Variants in GPR158 observed in about 807,000 individuals in gnomAD.
GPR158 encodes the protein G protein-coupled receptor 158.
A neutral mutation model predicts 78.2 loss-of-function variants in GPR158; 30 were observed. That is an observed-to-expected ratio of 0.38 (90% CI 0.29 to 0.52). The LOEUF (loss-of-function observed/expected upper bound fraction) is 0.52. GPR158 is among the 20% of genes least tolerant of loss of function. The pLI is 0.83. For missense variants in GPR158, 1,463 were observed against 1,523.5 expected, an observed-to-expected ratio of 0.96 and a Z score of 0.66; for synonymous variants, 581 against 591.1, an observed-to-expected ratio of 0.98 and a Z score of 0.25.
At chr10:25,379,965 G>GTT (rs771614117) in intron 2 of GPR158, among the ~76,000 whole-genome samples, 1 of 78,414 alleles carries the variant, frequency 1.3e-5, no homozygotes, top group African/African-American at 4.1e-5. Flanking sequence ...TCTCCATAGG[G>GTT]TTTTTTTTTT....
chr10:25,447,528 T>C (rs888788463), intron 4 of GPR158, among the ~76,000 whole-genome samples: 1 of 152,212 alleles, frequency 6.6e-6, no homozygotes, highest in African/African-American at 2.4e-5. Flanking sequence ...CTTTCTTTCA[T>C]CTTTGCAAAG....
chr10:25,262,164 C>T (rs1041158983), intron 2 of GPR158, among the ~76,000 whole-genome samples: 3 of 152,028 alleles, frequency 2.0e-5, no homozygotes, highest in Non-Finnish European at 4.4e-5. Flanking sequence ...AAAGGTATTT[C>T]CCACAGTGAA....
At chr10:25,233,458 A>G (rs1853480621) in intron 2 of GPR158, among the ~76,000 whole-genome samples, 1 of 152,004 alleles carries the variant, frequency 6.6e-6, no homozygotes. Context: ...CTATATTTAC[A>G]TTTGGAAATA....
intron 1 of GPR158, among the ~76,000 whole-genome samples, chr10:25,206,651 C>T (rs1853041986): frequency 6.6e-6 from 1 of 152,036 alleles, no homozygotes; most frequent in Non-Finnish European, 1.5e-5. Flanking sequence ...AAATATCTTA[C>T]ACTGTGTTTT....
chr10:25,195,150 T>C (rs1852827046), intron 1 of GPR158, among the ~76,000 whole-genome samples: 1 of 149,870 alleles, frequency 6.7e-6, no homozygotes, highest in Admixed American at 6.6e-5. Flanking sequence ...CTTTTTATTA[T>C]GTTAAAAAAA....
chr10:25,570,337 T>C (rs1836987896), intron 6 of GPR158, among the ~76,000 whole-genome samples: 1 of 152,228 alleles, frequency 6.6e-6, no homozygotes, highest in African/African-American at 2.4e-5. Flanking sequence ...GATACTGTAA[T>C]TTAAAACACA....
At chr10:25,412,589 A>G (rs1834607257) in intron 4 of GPR158, 116 bp downstream of exon 4, 2 of 685,504 alleles carry the variant, frequency 2.9e-6, no homozygotes, top group Admixed American at 4.7e-5. Context: ...TCTTTCTACA[A>G]TATGATTGGA....
At chr10:25,363,099 GATT>G (rs1374864216) in intron 2 of GPR158, among the ~76,000 whole-genome samples, 1 of 145,592 alleles carries the variant, frequency 6.9e-6, no homozygotes, top group Non-Finnish European at 1.5e-5. Context: ...ATCAATCTGT[GATT>G]GATTATTTAT....
chr10:25,504,673 GT>G (rs1437379500), intron 5 of GPR158, among the ~76,000 whole-genome samples: 1 of 152,042 alleles, frequency 6.6e-6, no homozygotes, highest in Non-Finnish European at 1.5e-5. Context: ...TGTTCTTTAG[GT>G]GACATCTCAC....
In GPR158 at chr10:25,598,572, C is replaced by T. The variant is rs772316548; in HGVS notation, c.2946C>T (p.Asn982=). The change falls in exon 11 of 11, where the codon AAC becomes AAT. Residue 982 remains asparagine (N), a synonymous_variant. Coordinates refer to ENST00000376351, the MANE Select transcript of GPR158 (RefSeq NM_020752.3). The part of the protein sequence containing the change: ...KSGIMKQQRV[N]PTTANSDLNP... ...GGATTATGAAACAACAAAGGGTCAA[C>T]CCCACCACTGCCAATTCTGACCTGA... 1.9e-6 allele frequency: 3 copies of T among 1,613,940 alleles called. No homozygotes were observed. Among genetic ancestry groups the T allele is most frequent in the Admixed American group, 1.7e-5 (1 of 60,006 alleles).
intron 4 of GPR158, among the ~76,000 whole-genome samples, chr10:25,421,191 C>A (rs1834745976): frequency 6.6e-6 from 1 of 152,032 alleles, no homozygotes; most frequent in Non-Finnish European, 1.5e-5. Flanking sequence ...TAAATTTATT[C>A]CTAAGTATTA....
chr10:25,299,881 C>T (rs1188561057), intron 2 of GPR158, among the ~76,000 whole-genome samples: 2 of 151,880 alleles, frequency 1.3e-5, no homozygotes, highest in Non-Finnish European at 2.9e-5. Context: ...GGCTGGAGTG[C>T]GGTATCATGA....
intron 4 of GPR158, among the ~76,000 whole-genome samples, chr10:25,433,536 G>GTGT (rs1554803599): frequency 7.6e-6 from 1 of 131,890 alleles, no homozygotes; most frequent in Admixed American, 7.3e-5. Context: ...TTAGGGGTGT[G>GTGT]TGTGTGTGTG....
chr10:25,548,460 A>C (rs1836691705), intron 5 of GPR158, among the ~76,000 whole-genome samples: 1 of 152,222 alleles, frequency 6.6e-6, no homozygotes, highest in Non-Finnish European at 1.5e-5. Flanking sequence ...ATACTTATTG[A>C]ATACTCATTG....
At chr10:25,179,938 G>A (rs887309784) in intron 1 of GPR158, among the ~76,000 whole-genome samples, 1 of 152,168 alleles carries the variant, frequency 6.6e-6, no homozygotes, top group East Asian at 1.9e-4. Flanking sequence ...TTCTTCGTGG[G>A]ACTTAAAGTA....
chr10:25,375,457 T>C (rs1055012059), intron 2 of GPR158, among the ~76,000 whole-genome samples: 2 of 83,612 alleles, frequency 2.4e-5, no homozygotes, highest in Non-Finnish European at 6.7e-5. Flanking sequence ...TGACTTCTAA[T>C]GTTTTTCTCT....
chr10:25,255,568 T>C (rs1176204539), intron 2 of GPR158, among the ~76,000 whole-genome samples: 1 of 152,174 alleles, frequency 6.6e-6, no homozygotes, highest in African/African-American at 2.4e-5. Context: ...TCCCTTGTGG[T>C]TATAGGATGG....
At chr10:25,298,507 CT>C (rs963005562) in intron 2 of GPR158, among the ~76,000 whole-genome samples, 2 of 152,100 alleles carry the variant, frequency 1.3e-5, no homozygotes, top group African/African-American at 4.8e-5. Flanking sequence ...AAAAATGGTG[CT>C]TTTGATTCTC....
chr10:25,367,607 A>G (rs1450485948), intron 2 of GPR158, among the ~76,000 whole-genome samples: 1 of 151,776 alleles, frequency 6.6e-6, no homozygotes, highest in Non-Finnish European at 1.5e-5. Flanking sequence ...AAACATGAGA[A>G]TATCCTTCCA....
Sources: gnomAD v4.1 joint callset for allele counts (sites outside exome capture counted in the v4.1 genomes callset) on GRCh38, gnomAD v4.1.1 for gene constraint, MANE v1.5 for transcripts, NCBI Gene and HGNC (gene_info 2026-07-23, HGNC 2026-07-21) for gene names.